The following PLAA variants were observed in gnomAD, a reference collection of about 807,000 sequenced individuals.
PLAA encodes phospholipase A2 activating protein.
A neutral mutation model predicts 84.1 loss-of-function variants in PLAA; 48 were observed. The observed-to-expected ratio is 0.57, with a 90% CI of 0.45 to 0.73. The LOEUF (loss-of-function observed/expected upper bound fraction) is 0.73, where lower values mean the gene tolerates loss of function less well. Ranked by LOEUF, PLAA falls within the 30% of genes least tolerant of loss-of-function variation. PLAA has a pLI of 0.00. For synonymous variants in PLAA, 392 were observed against 336.6 expected (o/e 1.16, Z -1.80); for missense variants, 903 against 954.7 (o/e 0.95, Z 0.71).
rs1825038036 is a variant in PLAA at position 26,928,089 on chromosome 9, C to G, written c.565+11G>C. 2 of 1,610,708 alleles carry G rather than the reference C, an allele frequency of 1.2e-6. No homozygotes were observed. The highest frequency in any genetic ancestry group is 1.7e-5 in the Admixed American group (1 of 59,004). On this transcript the variant is annotated intron_variant, in intron 4 of 13. Coordinates refer to ENST00000397292, the MANE Select transcript of PLAA (RefSeq NM_001031689.3). ...CAATGATATTATAAAACTTGTCTAC[C>G]CTGATCTTACCTGAAAAAGTCCTCT...
rs777504357 is a variant in PLAA at position 26,907,694 on chromosome 9, C to T, written c.1822+140G>A. 7.5e-6 allele frequency: 5 copies of T among 664,384 alleles called. No individual in the cohort carries two copies. The African/African-American group carries it at 9.3e-5, about 12-fold the overall frequency. The allele number at this position is 664,384 out of a possible 1,614,324, so 41.2% of individuals were successfully genotyped here. ...CATCAATTCCAGTAGTGTAGTGAAC[C>T]CTTTTCGTGAAGATTTTCCATAGTG... On this transcript the variant is annotated intron_variant, in intron 13 of 13. Transcript: ENST00000397292.
intron 1 of PLAA, among the ~76,000 whole-genome samples, chr9:26,942,360 G>A (rs1202152643): frequency 1.3e-5 from 2 of 152,238 alleles, no homozygotes; most frequent in African/African-American, 4.8e-5. Flanking sequence ...GACAGACCAG[G>A]TCAGAAAGTT....
intron 1 of PLAA, among the ~76,000 whole-genome samples, chr9:26,941,164 A>C (rs1390629713): frequency 7.1e-6 from 1 of 141,812 alleles, no homozygotes; most frequent in Non-Finnish European, 1.5e-5. Flanking sequence ...GACAAAAAAA[A>C]AAACAAAAAC....
chr9:26,921,304 T>C (rs1195164353), intron 7 of PLAA, among the ~76,000 whole-genome samples: 1 of 152,200 alleles, frequency 6.6e-6, no homozygotes, highest in African/African-American at 2.4e-5. Flanking sequence ...CGAAGAATCA[T>C]GCTCTTCTTC....
At chr9:26,906,769 G>T (rs533912031) in intron 13 of PLAA, among the ~76,000 whole-genome samples, 83 of 152,184 alleles carry the variant, frequency 5.5e-4, no homozygotes, top group African/African-American at 1.8e-3. Context: ...CAAGTGATAG[G>T]ATGCTTATAG....
At chr9:26,910,190 T>G (rs1395085710) in intron 12 of PLAA, 148 bp downstream of exon 12, 1 of 564,872 alleles carries the variant, frequency 1.8e-6, no homozygotes, top group Admixed American at 2.8e-5. Context: ...ACTGTATATT[T>G]GTGGTGGACA....
intron 4 of PLAA, among the ~76,000 whole-genome samples, chr9:26,927,575 AT>A (rs1331224431): frequency 6.6e-6 from 1 of 152,236 alleles, no homozygotes; most frequent in Non-Finnish European, 1.5e-5. Flanking sequence ...TGATATTACT[AT>A]TAGATAGCAG....
chr9:26,941,182 G>A lies in PLAA; in HGVS notation c.149+5715C>T, dbSNP rs539266081. Among the ~76,000 whole-genome samples, 6 of 148,676 alleles carry A rather than the reference G, an allele frequency of 4.0e-5. No individual in the cohort carries two copies. In the East Asian group the frequency reaches 5.9e-4, roughly 15 times the overall value. On this transcript the variant is annotated intron_variant, in intron 1 of 13. Coordinates refer to ENST00000397292, the MANE Select transcript of PLAA (RefSeq NM_001031689.3). ...AAAAAAAAAAACAAAAACAAAACACGGGGGGTGGGGGAGGGATGTGCAGCT... is the reference window on the plus strand; with the variant it reads ...AAAAAAAAAAACAAAAACAAAACACAGGGGGTGGGGGAGGGATGTGCAGCT...
intron 2 of PLAA, among the ~76,000 whole-genome samples, chr9:26,934,769 G>A (rs963199988): frequency 3.3e-5 from 5 of 152,014 alleles, no homozygotes; most frequent in African/African-American, 1.2e-4. Flanking sequence ...GTGAGCCACC[G>A]CTCCCGGCCA....
At chr9:26,916,173 T>C (rs1214196421) in intron 10 of PLAA, 1 of 983,802 alleles carries the variant, frequency 1.0e-6, no homozygotes, top group East Asian at 1.1e-4. Flanking sequence ...TAACGTTGTA[T>C]GTTTGTCCAA....
intron 4 of PLAA, among the ~76,000 whole-genome samples, chr9:26,927,572 A>C (rs764822636): frequency 3.3e-5 from 5 of 152,236 alleles, no homozygotes; most frequent in Non-Finnish European, 7.3e-5. Context: ...CAATGATATT[A>C]CTATTAGATA....
chr9:26,924,872 G>C (rs1162193664), intron 6 of PLAA, among the ~76,000 whole-genome samples: 5 of 152,106 alleles, frequency 3.3e-5, no homozygotes. Context: ...CTTAGCCTCA[G>C]TTCTTATACT....
chr9:26,928,609 A>G (rs1370974642), intron 2 of PLAA, among the ~76,000 whole-genome samples: 1 of 152,260 alleles, frequency 6.6e-6, no homozygotes, highest in African/African-American at 2.4e-5. Context: ...CGCAAGGCCT[A>G]GCTGTGCCAC....
intron 10 of PLAA, chr9:26,916,407 C>T (rs1337813232): frequency 1.0e-6 from 1 of 986,860 alleles, no homozygotes; most frequent in Non-Finnish European, 1.2e-6. Flanking sequence ...GCACTTTTTC[C>T]AGTAGTGTTG....
intron 13 of PLAA, among the ~76,000 whole-genome samples, chr9:26,906,957 G>A (rs563297689): frequency 1.2e-4 from 17 of 138,234 alleles, no homozygotes; most frequent in African/African-American, 3.6e-4. Context: ...TACTGAACCA[G>A]AATCTAATTT....
At chr9:26,943,040 A>T (rs1355948655) in intron 1 of PLAA, among the ~76,000 whole-genome samples, 1 of 152,180 alleles carries the variant, frequency 6.6e-6, no homozygotes, top group African/African-American at 2.4e-5. Context: ...CTATATCTGA[A>T]GATGTGTCTT....
chr9:26,933,423 G>T (rs1312967752), intron 2 of PLAA, among the ~76,000 whole-genome samples: 1 of 151,966 alleles, frequency 6.6e-6, no homozygotes, highest in Admixed American at 6.6e-5. Context: ...CTGCACTCCA[G>T]CCTGGTGACA....
chr9:26,942,773 T>G (rs1418985445), intron 1 of PLAA, among the ~76,000 whole-genome samples: 1 of 149,670 alleles, frequency 6.7e-6, no homozygotes, highest in South Asian at 2.1e-4. Context: ...TCCCAGCTAC[T>G]CGGGAGGCTA....
At position 26,906,006 on chromosome 9, in the gene PLAA, G is replaced by A. The variant is rs1824225190; in HGVS notation, c.1893C>T (p.Cys631=). Residue 631 remains cysteine (C), a synonymous_variant, in exon 14 of 14, where the codon TGC becomes TGT. Coordinates refer to ENST00000397292, the MANE Select transcript of PLAA (RefSeq NM_001031689.3). ...IKHPSVNENF[C]NEKEGAQFSS... ...TGAACTGAGCCCCTTCCTTTTCATT[G>A]CAGAAGTTCTCATTCACACTGGGGT... 7 of 1,613,144 alleles carry A rather than the reference G, an allele frequency of 4.3e-6. No homozygotes were observed. The highest frequency in any genetic ancestry group is 5.9e-6 in the Non-Finnish European group (7 of 1,179,436).
Sources: allele counts gnomAD v4.1 joint callset (sites outside exome capture counted in the v4.1 genomes callset), GRCh38; gene constraint gnomAD v4.1.1; transcripts MANE v1.5; gene names NCBI Gene and HGNC (gene_info 2026-07-23, HGNC 2026-07-21).